The following MAN2B2 variants were observed in gnomAD, a reference collection of about 807,000 sequenced individuals.
The protein encoded by MAN2B2 is mannosidase alpha class 2B member 2.
MAN2B2 carries 106 observed loss-of-function variants against 117.1 expected under a neutral mutation model. That is an observed-to-expected ratio of 0.90 (90% CI 0.77 to 1.06). The LOEUF (loss-of-function observed/expected upper bound fraction) is 1.06, where lower values mean the gene tolerates loss of function less well. Ranked by LOEUF, MAN2B2 falls within the 50% of genes least tolerant of loss-of-function variation. The pLI is 0.00. For missense variants in MAN2B2, 1,326 were observed against 1,381.4 expected, an observed-to-expected ratio of 0.96 and a Z score of 0.64; for synonymous variants, 544 against 595.1, an observed-to-expected ratio of 0.91 and a Z score of 1.25.
intron 12 of MAN2B2, chr4:6,609,592 TG>T: frequency 3.0e-6 from 2 of 660,146 alleles, no homozygotes; most frequent in African/African-American, 1.8e-5. Context: ...AGGCCCGGCA[TG>T]GCAGCCCTGC....
intron 3 of MAN2B2, among the ~76,000 whole-genome samples, chr4:6,583,621 C>T (rs1020305223): frequency 7.2e-5 from 11 of 152,142 alleles, no homozygotes; most frequent in South Asian, 4.2e-4. Flanking sequence ...CTTGCCTCCT[C>T]GGAAGAAAGA....
rs146659480 is a variant in MAN2B2, at chr4:6,614,349, C to G, written c.2695C>G (p.Arg899Gly). ...CCACACGGAGCACTCTCAGAATCTC[C>G]GGAAAGGTGAGGCAGGTGCCCTGGC... The part of the protein sequence containing the change: ...SNHTEHSQNL[R>G]KGHRGEAQAD... Residue 899 changes from arginine (R) to glycine (G), a missense_variant, in exon 16 of 19, where the codon CGG becomes GGG. Arg to Gly is a moderately radical substitution (Grantham distance 125). Coordinates refer to ENST00000285599, the MANE Select transcript of MAN2B2 (RefSeq NM_015274.3). 1 of 1,613,672 alleles carries G rather than the reference C, an allele frequency of 6.2e-7. No homozygotes were observed. The highest frequency in any genetic ancestry group is 2.2e-5 in the East Asian group (1 of 44,870).
intron 5 of MAN2B2, among the ~76,000 whole-genome samples, chr4:6,590,196 AC>A (rs1726802533): frequency 6.6e-6 from 1 of 151,954 alleles, no homozygotes; most frequent in Non-Finnish European, 1.5e-5. Flanking sequence ...ACATGGCAAA[AC>A]CCCGTCTCTA....
chr4:6,580,143 A>C (rs1048104516), intron 3 of MAN2B2, among the ~76,000 whole-genome samples: 1 of 152,108 alleles, frequency 6.6e-6, no homozygotes, highest in Non-Finnish European at 1.5e-5. Context: ...CCCCTGTCTC[A>C]GTTTCTTACT....
chr4:6,605,178 C>T lies in MAN2B2; in HGVS notation c.1663C>T (p.Pro555Ser). 1 of 1,614,156 alleles carries T rather than the reference C, an allele frequency of 6.2e-7. No individual in the cohort carries two copies. ...AGGGGCCCAAGAGGGCACCCAGGAG[C>T]CGGCTGCCACTGTGGCGAGCACCCT... ...TAGAQEGTQE[P>S]AATVASTLQF... The change falls in exon 11 of 19, where the codon CCG becomes TCG. Residue 555 changes from proline to serine, a missense_variant. By Grantham distance (74) the Pro-to-Ser change is moderately conservative. Coordinates refer to ENST00000285599, the MANE Select transcript of MAN2B2 (RefSeq NM_015274.3).
chr4:6,613,621 A>C, intron 15 of MAN2B2, among the ~76,000 whole-genome samples: 1 of 56,956 alleles, frequency 1.8e-5, no homozygotes. Context: ...AATGGAAGGG[A>C]GGGGAGGGGA....
At chr4:6,589,302 G>A (rs773991298) in intron 5 of MAN2B2, 142 bp downstream of exon 5, 55 of 620,370 alleles carry the variant, frequency 8.9e-5, no homozygotes, top group Middle Eastern at 2.7e-4. Flanking sequence ...GTGCAGTAGC[G>A]CAATCTTGGC....
In MAN2B2 at chr4:6,593,350, G is replaced by A. The variant is rs766924989; in HGVS notation, c.858G>A (p.Trp286Ter). 6.2e-7 allele frequency: 1 copy of A among 1,610,850 alleles called. No individual in the cohort carries two copies. Among genetic ancestry groups the A allele is most frequent in the Non-Finnish European group, 8.5e-7 (1 of 1,178,592 alleles). The change falls in exon 6 of 19, where the codon TGG becomes TGA. Residue 286 changes from tryptophan (W) to a stop codon, truncating the protein, a stop_gained and splice_region_variant. Coordinates refer to ENST00000285599, the MANE Select transcript of MAN2B2 (RefSeq NM_015274.3). LOFTEE classifies it high-confidence loss of function. ...GGACACCGCACGTCCTCTGGCCCTG[G>A]GTAAGGCAGAGTCCCAGGTGCTGTG... The part of the protein sequence containing the change: ...WFRTPHVLWP[W>*]GCDKQFFNAS...
rs772587658 is a variant in MAN2B2, at chr4:6,621,300, C to T, written c.*15C>T. On this transcript the variant is annotated 3_prime_UTR_variant, in exon 19 of 19. Coordinates refer to ENST00000285599, the MANE Select transcript of MAN2B2 (RefSeq NM_015274.3). Reference sequence around the variant, plus strand: ...AACAGCAGTGAGCCCTGGGCAGATGCCCCGGCCCCAGGGCTTCCCCCAGGA... The same window carrying T: ...AACAGCAGTGAGCCCTGGGCAGATGTCCCGGCCCCAGGGCTTCCCCCAGGA... 1.7e-5 allele frequency: 27 copies of T among 1,602,096 alleles called. No individual in the cohort carries two copies. The highest frequency in any genetic ancestry group is 1.7e-4 in the Admixed American group (10 of 59,834).
Position 6,619,779 on chromosome 4 carries a change from G to A in MAN2B2, c.2815-148G>A, listed in dbSNP as rs962833490. On this transcript the variant is annotated intron_variant, in intron 17 of 18. Coordinates refer to ENST00000285599, the MANE Select transcript of MAN2B2 (RefSeq NM_015274.3). Reference sequence around the variant, plus strand: ...CCTCGCAGATGTGCTGTGAGAAGCAGATGAGGGAGCTGTGTCAGGCACCAG... The same window carrying A: ...CCTCGCAGATGTGCTGTGAGAAGCAAATGAGGGAGCTGTGTCAGGCACCAG... The A allele has an allele frequency of 6.0e-5, 41 of 678,376 alleles. No individual in the cohort carries two copies. The East Asian group carries it at 9.8e-4, about 16-fold the overall frequency. 42.0% of individuals were successfully genotyped at this position (678,376 alleles called of 1,614,324 possible).
chr4:6,586,340 C>T (rs947513418), intron 3 of MAN2B2, among the ~76,000 whole-genome samples: 18 of 152,322 alleles, frequency 1.2e-4, no homozygotes, highest in South Asian at 2.1e-4. Context: ...GGATGACAGG[C>T]GTGAGCCACA....
Position 6,576,742 on chromosome 4 carries a change from T to G in MAN2B2, c.285+18T>G. 6.2e-7 allele frequency: 1 copy of G among 1,612,472 alleles called. No homozygotes were observed. The highest frequency in any genetic ancestry group is 8.5e-7 in the Non-Finnish European group (1 of 1,178,904). ...AATACCAGGTAATGAGGTCACCAGG[T>G]GACACAGTTGGCCCAGTATCCTGGC... On this transcript the variant is annotated intron_variant, in intron 2 of 18. Coordinates refer to ENST00000285599, the MANE Select transcript of MAN2B2 (RefSeq NM_015274.3).
At chr4:6,584,415 G>A (rs55684401) in intron 3 of MAN2B2, among the ~76,000 whole-genome samples, 8,041 of 152,238 alleles carry the variant, frequency 0.053, 327 homozygotes, top group South Asian at 0.11. Context: ...TATACCCATA[G>A]TCTATTCTGT....
chr4:6,618,706 ATTCT>A (rs1712015463), intron 17 of MAN2B2: 1 of 152,098 alleles, frequency 6.6e-6, no homozygotes, highest in Non-Finnish European at 1.5e-5. Context: ...CCCAGTTTGC[ATTCT>A]TTCTATTTCA....
In MAN2B2 at chr4:6,579,301, TCAC is replaced by T. The variant is rs1726299584; in HGVS notation, c.391+818_391+820del. Among the ~76,000 whole-genome samples, 50 of 15,794 alleles carry T rather than the reference TCAC, an allele frequency of 3.2e-3. 2 individuals carry two copies. Among genetic ancestry groups the T allele is most frequent in the African/African-American group, 0.01 (39 of 3,736 alleles). The allele number at this position is 15,794 out of a possible 152,430, so 10.4% of individuals were successfully genotyped here. On this transcript the variant is annotated intron_variant, in intron 3 of 18. Transcript: ENST00000285599. ...ACCACCATCACCATCACCACCACCA[TCAC>T]CACCACCACCACCATCACCACCACC...
intron 15 of MAN2B2, among the ~76,000 whole-genome samples, chr4:6,611,639 A>G (rs527302261): frequency 1.3e-5 from 2 of 152,138 alleles, no homozygotes; most frequent in Non-Finnish European, 2.9e-5. Context: ...CTGGTTTGTT[A>G]GCTGGGCATG....
chr4:6,600,398 G>A (rs1207517625), intron 9 of MAN2B2, among the ~76,000 whole-genome samples: 11 of 152,194 alleles, frequency 7.2e-5, no homozygotes, highest in Admixed American at 7.2e-4. Flanking sequence ...CTTATGTTCC[G>A]AGCCCCTCCG....
At chr4:6,589,891 G>C (rs576217999) in intron 5 of MAN2B2, among the ~76,000 whole-genome samples, 2 of 151,836 alleles carry the variant, frequency 1.3e-5, no homozygotes, top group African/African-American at 4.8e-5. Context: ...ACCAGCCTGG[G>C]CTTCCTAGTG....
In MAN2B2 at chr4:6,597,347, T is replaced by C. The variant is rs1482757573; in HGVS notation, c.1248+44T>C. On this transcript the variant is annotated intron_variant, in intron 8 of 18. Coordinates refer to ENST00000285599, the MANE Select transcript of MAN2B2 (RefSeq NM_015274.3). ...ACAGTGGCAGGATTGGAACCTCCCA[T>C]GCTGCGCACCTCCCCTCCCTTGTCC... 65 of 1,498,590 alleles carry C rather than the reference T, an allele frequency of 4.3e-5. No homozygotes were observed. The Admixed American group carries it at 1.4e-3, about 33-fold the overall frequency. The allele number at this position is 1,498,590 out of a possible 1,614,324, so 92.8% of individuals were successfully genotyped here. A position where few individuals can be genotyped will look rare whatever the true frequency, so the allele number is the denominator to read the frequency against.
Sources: gnomAD v4.1 joint callset for allele counts (sites outside exome capture counted in the v4.1 genomes callset) on GRCh38, gnomAD v4.1.1 for gene constraint, MANE v1.5 for transcripts, NCBI Gene and HGNC (gene_info 2026-07-23, HGNC 2026-07-21) for gene names.